CPAP: variants seen among roughly 807,000 people sequenced by gnomAD.
The protein encoded by CPAP is centrosome assembly and centriole elongation protein.
the CPAP span, chr13:24,905,923 G>A: frequency 6.2e-7 from 1 of 1,614,120 alleles, no homozygotes; most frequent in Middle Eastern, 1.6e-4. Flanking sequence ...GTTCCTCAGA[G>A]TCAGTGCTAC....
At chr13:24,925,984 C>T in the CPAP span, 1 of 152,562 alleles carries the variant, frequency 6.6e-6, no homozygotes, top group Non-Finnish European at 1.5e-5. Flanking sequence ...AAGCAAGCAG[C>T]TCCAGCTGTT....
chr13:24,929,740 C>T, the CPAP span, among the ~76,000 whole-genome samples: 1 of 152,070 alleles, frequency 6.6e-6, no homozygotes, highest in Non-Finnish European at 1.5e-5. Flanking sequence ...TCTGGGACTC[C>T]CATCATGCAT....
the CPAP span, among the ~76,000 whole-genome samples, chr13:24,924,076 G>A: frequency 3.3e-5 from 5 of 152,034 alleles, no homozygotes; most frequent in Middle Eastern, 3.4e-3. Context: ...CTCGTGATCC[G>A]CCCGCCTCGG....
the CPAP span, among the ~76,000 whole-genome samples, chr13:24,890,398 C>T: frequency 5.9e-5 from 9 of 152,194 alleles, no homozygotes; most frequent in Admixed American, 5.2e-4. Context: ...ATTCCCCACC[C>T]CTGACCACGC....
At chr13:24,909,296 G>A in the CPAP span, among the ~76,000 whole-genome samples, 7 of 152,310 alleles carry the variant, frequency 4.6e-5, no homozygotes, top group Admixed American at 2.0e-4. Flanking sequence ...GGAGGCCAAG[G>A]CAGGCAGATC....
At chr13:24,900,487 G>GA in the CPAP span, among the ~76,000 whole-genome samples, 1 of 152,086 alleles carries the variant, frequency 6.6e-6, no homozygotes, top group Non-Finnish European at 1.5e-5. Context: ...CGTCTTTACT[G>GA]AAAATACAAA....
At chr13:24,924,997 A>C in the CPAP span, 1 of 152,266 alleles carries the variant, frequency 6.6e-6, no homozygotes, top group South Asian at 2.1e-4. Context: ...GTCAATGAAC[A>C]GGAGGTGTTT....
chr13:24,893,895 T>C, the CPAP span, among the ~76,000 whole-genome samples: 1 of 152,084 alleles, frequency 6.6e-6, no homozygotes, highest in African/African-American at 2.4e-5. Context: ...TGAGGCTCAC[T>C]CTGCCGGGGA....
At chr13:24,905,572 C>CTACCCTA in the CPAP span, 1 of 1,614,132 alleles carries the variant, frequency 6.2e-7, no homozygotes, top group Non-Finnish European at 8.5e-7. Flanking sequence ...AGCATGTCTG[C>CTACCCTA]GGCGTCCCAT....
At chr13:24,906,867 T>C in the CPAP span, 3 of 1,614,236 alleles carry the variant, frequency 1.9e-6, no homozygotes, top group East Asian at 6.7e-5. Flanking sequence ...TTTTGAAACT[T>C]AGATTTGGCA....
the CPAP span, among the ~76,000 whole-genome samples, chr13:24,921,431 C>G: frequency 2.0e-5 from 3 of 152,192 alleles, no homozygotes; most frequent in Non-Finnish European, 4.4e-5. Context: ...CCAAATAAAA[C>G]GTTAAACTTA....
At chr13:24,906,918 G>T in the CPAP span, 1 of 1,613,978 alleles carries the variant, frequency 6.2e-7, no homozygotes, top group South Asian at 1.1e-5. Flanking sequence ...TTTAAAAATG[G>T]TTGTTTTGGT....
At chr13:24,915,375 C>A in the CPAP span, among the ~76,000 whole-genome samples, 1 of 152,270 alleles carries the variant, frequency 6.6e-6, no homozygotes, top group South Asian at 2.1e-4. Context: ...ACTGGGTCAG[C>A]AGCTGGGTGC....
the CPAP span, among the ~76,000 whole-genome samples, chr13:24,890,071 T>C: frequency 6.6e-6 from 1 of 152,182 alleles, no homozygotes; most frequent in Non-Finnish European, 1.5e-5. Flanking sequence ...CTTACAAAGA[T>C]CCAGAAGGTA....
the CPAP span, among the ~76,000 whole-genome samples, chr13:24,923,519 A>AT: frequency 1.3e-5 from 2 of 152,130 alleles, no homozygotes; most frequent in Non-Finnish European, 2.9e-5. Context: ...AATTCAAGAA[A>AT]TTTTTTTGTT....
the CPAP span, chr13:24,883,977 A>AAT: frequency 6.2e-7 from 1 of 1,614,174 alleles, no homozygotes; most frequent in Non-Finnish European, 8.5e-7. Flanking sequence ...GTACTCTGAC[A>AAT]ATTGTACCAT....
At chr13:24,922,400 A>C in the CPAP span, among the ~76,000 whole-genome samples, 11 of 152,172 alleles carry the variant, frequency 7.2e-5, no homozygotes, top group African/African-American at 2.7e-4. Flanking sequence ...AAGCTGGGGC[A>C]AGACCGGCCC....
the CPAP span, chr13:24,883,835 T>C: frequency 2.1e-6 from 2 of 975,602 alleles, no homozygotes; most frequent in Non-Finnish European, 3.3e-6. Flanking sequence ...TGTGGGACAT[T>C]CATTCAAACT....
the CPAP span, chr13:24,911,962 C>A: frequency 6.2e-7 from 1 of 1,614,104 alleles, no homozygotes; most frequent in African/African-American, 1.3e-5. Context: ...GTGTGCACTG[C>A]CCAGACACCA....
Sources: allele counts gnomAD v4.1 joint callset (sites outside exome capture counted in the v4.1 genomes callset), GRCh38; gene constraint gnomAD v4.1.1; transcripts MANE v1.5; gene names NCBI Gene and HGNC (gene_info 2026-07-23, HGNC 2026-07-21).